PKD1: variants seen among roughly 807,000 people sequenced by gnomAD.
The protein encoded by PKD1 is polycystin-1.
PKD1 carries 81 observed loss-of-function variants against 361.7 expected under a neutral mutation model. The observed-to-expected ratio is 0.22, with a 90% CI of 0.19 to 0.27. PKD1 has a LOEUF of 0.27. PKD1 is among the 10% of genes least tolerant of loss of function. The probability of loss-of-function intolerance (pLI) is 1.00; values close to 1 mark genes in which losing one functional copy is unlikely to be tolerated. For synonymous variants in PKD1, 3,615 were observed against 2,818.3 expected (o/e 1.28, Z -8.95); for missense variants, 6,399 against 6,118.3 (o/e 1.05, Z -1.53).
chr16:2,127,931 G>GCACCCAAGCAGCTGCACCT (rs2092819874), intron 1 of PKD1, among the ~76,000 whole-genome samples: 2 of 75,198 alleles, frequency 2.7e-5, no homozygotes, highest in Admixed American at 1.5e-4. Context: ...GGGGCTGGCA[G>GCACCCAAGCAGCTGCACCT]GGAGGGAGAG....
In PKD1 at chr16:2,106,912, A is replaced by C. The variant is rs1364180766; in HGVS notation, c.7102T>G (p.Leu2368Val). 6.4e-7 allele frequency: 1 copy of C among 1,571,230 alleles called. No homozygotes were observed. Among genetic ancestry groups the C allele is most frequent in the Admixed American group, 1.7e-5 (1 of 59,940 alleles). Residue 2368 changes from leucine to valine, a missense_variant, in exon 17 of 46, where the codon TTG (leucine) becomes GTG (valine). Coordinates refer to ENST00000262304, the MANE Select transcript of PKD1 (RefSeq NM_001009944.3). The surrounding 1 kb of genome is among the most constrained non-coding windows in gnomAD (Gnocchi z 6.5). ...TGTGCCTTGCAGGACACACACTCCA[A>C]GGACACAATGGGCACCCGGCCACTC... is the stretch of plus-strand genomic sequence containing the variant. The part of the protein sequence containing the change: ...IRSGRVPIVS[L>V]ECVSCKAQAV...
intron 1 of PKD1, among the ~76,000 whole-genome samples, chr16:2,128,419 A>G (rs932974594): frequency 2.0e-5 from 3 of 150,944 alleles, no homozygotes; most frequent in Non-Finnish European, 2.9e-5. Context: ...GAGTGCAAGC[A>G]CATCGCAGCC....
In PKD1 at chr16:2,090,202, C is replaced by T. The variant is rs776530070; in HGVS notation, c.12445-8G>A. 16 of 1,605,730 alleles carry T rather than the reference C, an allele frequency of 1.0e-5. No homozygotes were observed. Among genetic ancestry groups the T allele is most frequent in the South Asian group, 3.3e-5 (3 of 90,544 alleles). On this transcript the variant is annotated splice_polypyrimidine_tract_variant and splice_region_variant and intron_variant, in intron 45 of 45. Coordinates refer to ENST00000262304, the MANE Select transcript of PKD1 (RefSeq NM_001009944.3). Reference sequence around the variant, plus strand: ...GCGGACTTTGTGGCGGAACTGGGGGCGGCACAGGGGCTCAGTCAGTCCGGC... The same window carrying T: ...GCGGACTTTGTGGCGGAACTGGGGGTGGCACAGGGGCTCAGTCAGTCCGGC...
chr16:2,112,913 G>C lies in PKD1; in HGVS notation c.3036C>G (p.Thr1012=), dbSNP rs199562751. The part of the protein sequence containing the change: ...VSNVTVNYNV[T]VERMNRMQGL... ...CCTGCATCCTGTTCATCCGCTCCAC[G>C]GTTACGTTGTAGTTCACGGTGACGT... Residue 1012 remains threonine, a synonymous_variant, in exon 13 of 46, where the codon ACC becomes ACG. Coordinates refer to ENST00000262304, the MANE Select transcript of PKD1 (RefSeq NM_001009944.3). 4 of 1,606,102 alleles carry C rather than the reference G, an allele frequency of 2.5e-6. No individual in the cohort carries two copies. Among genetic ancestry groups the C allele is most frequent in the Non-Finnish European group, 3.4e-6 (4 of 1,179,752 alleles).
chr16:2,115,252 G>C (rs2151815727), intron 10 of PKD1, 126 bp downstream of exon 10: 1 of 1,109,850 alleles, frequency 9.0e-7, no homozygotes, highest in East Asian at 2.6e-5. Context: ...GGAGGTCAGA[G>C]GTGGCAAGGA....
intron 10 of PKD1, chr16:2,115,170 G>C (rs181951507): frequency 1.4e-6 from 1 of 731,098 alleles, no homozygotes; most frequent in Non-Finnish European, 1.7e-6. Context: ...AGGAAGAGGA[G>C]GCACAGCTCG....
rs2092934510 is a variant in PKD1, at chr16:2,135,043, T to A, written c.215+432A>T. 3.2e-6 allele frequency: 3 copies of A among 952,294 alleles called. No individual in the cohort carries two copies. The South Asian group carries it at 1.5e-4, about 46-fold the overall frequency. The allele number at this position is 952,294 out of a possible 1,614,324, so 59.0% of individuals were successfully genotyped here. ...CTGGACCCACCTCATCGCCCCTTCC[T>A]AAGCATCAGCCCAATTCTTGCACAT... On this transcript the variant is annotated intron_variant, in intron 1 of 45. Coordinates refer to ENST00000262304, the MANE Select transcript of PKD1 (RefSeq NM_001009944.3).
chr16:2,107,242 G>C, intron 16 of PKD1: 1 of 489,242 alleles, frequency 2.0e-6, no homozygotes, highest in Non-Finnish European at 3.8e-6. Flanking sequence ...GGATGCGTGT[G>C]AGAAGAGACG....
chr16:2,109,563 G>A lies in PKD1; in HGVS notation c.5604C>T (p.Ala1868=), dbSNP rs556231668. 5 of 1,611,756 alleles carry A rather than the reference G, an allele frequency of 3.1e-6. No homozygotes were observed. The highest frequency in any genetic ancestry group is 3.4e-6 in the Non-Finnish European group (4 of 1,179,576). The change falls in exon 15 of 46, where the codon GCC becomes GCT. Residue 1868 remains alanine (A), a synonymous_variant. Coordinates refer to ENST00000262304, the MANE Select transcript of PKD1 (RefSeq NM_001009944.3). ...CTGAGACCCAGCTGACTGCGTTGGA[G>A]GCATTGAGCCGGATGGAGAAGGTGC... The part of the protein sequence containing the change: ...DAGTFSIRLN[A]SNAVSWVSAT...
chr16:2,091,375 G>A, intron 42 of PKD1, 48 bp downstream of exon 42: 5 of 1,043,116 alleles, frequency 4.8e-6, no homozygotes, highest in Non-Finnish European at 5.8e-6. Flanking sequence ...GCGAGGGGGC[G>A]GGACGCTGCC....
intron 43 of PKD1, 35 bp downstream of exon 43, chr16:2,090,849 G>T: frequency 1.2e-6 from 2 of 1,609,872 alleles, no homozygotes; most frequent in Non-Finnish European, 1.7e-6. Flanking sequence ...CCTGGGGTGT[G>T]CGCCCAGCCC....
Position 2,118,449 on chromosome 16 carries a change from G to A in PKD1, c.543C>T (p.Val181=), listed in dbSNP as rs1365608859. The part of the protein sequence containing the change: ...LLDSGCGEEY[V]ACLPDNSSGT... ...CTGAGCTGTTGTCAGGGAGGCAGGC[G>A]ACATACTCCTCACCTAGAAGAGGCA... is the stretch of plus-strand genomic sequence containing the variant. Residue 181 remains valine, a synonymous_variant, in exon 5 of 46, where the codon GTC becomes GTT. Transcript: ENST00000262304. The surrounding 1 kb of genome is among the most constrained non-coding windows in gnomAD (Gnocchi z 6.0). 42 of 1,200,338 alleles carry A rather than the reference G, an allele frequency of 3.5e-5. No homozygotes were observed. The African/African-American group carries it at 5.3e-4, about 15-fold the overall frequency. 74.4% of individuals were successfully genotyped at this position (1,200,338 alleles called of 1,614,324 possible).
chr16:2,127,801 C>G (rs1424369851), intron 1 of PKD1, among the ~76,000 whole-genome samples: 1 of 150,930 alleles, frequency 6.6e-6, no homozygotes, highest in Non-Finnish European at 1.5e-5. Flanking sequence ...GACGTGAACC[C>G]AGGTCTGACT....
intron 30 of PKD1, among the ~76,000 whole-genome samples, chr16:2,098,386 T>C (rs953305248): frequency 6.6e-6 from 1 of 151,290 alleles, no homozygotes; most frequent in African/African-American, 2.4e-5. Context: ...TTTTTTGTAT[T>C]TTTAGTAGAG....
intron 1 of PKD1, among the ~76,000 whole-genome samples, chr16:2,119,637 T>A (rs1479375914): frequency 6.6e-6 from 1 of 152,078 alleles, no homozygotes; most frequent in Non-Finnish European, 1.5e-5. Context: ...CATGGACCTG[T>A]CCACCCAGGG....
chr16:2,097,362 G>A lies in PKD1; in HGVS notation c.10362C>T (p.Ser3454=), dbSNP rs1182148778. Reference sequence around the variant, plus strand: ...TGGCAGGCGAGTAGGGGCTGGCCAGGGAGAAGCCGTCCTCCTCTGGGCCCA... The same window carrying A: ...TGGCAGGCGAGTAGGGGCTGGCCAGAGAGAAGCCGTCCTCCTCTGGGCCCA... ...HGLGPEEDGF[S]LASPYSPAKS... Residue 3454 remains serine, a synonymous_variant, in exon 33 of 46, where the codon TCC becomes TCT. Coordinates refer to ENST00000262304, the MANE Select transcript of PKD1 (RefSeq NM_001009944.3). The A allele has an allele frequency of 6.2e-7, 1 of 1,612,200 alleles. No individual in the cohort carries two copies. Among genetic ancestry groups the A allele is most frequent in the South Asian group, 1.1e-5 (1 of 91,080 alleles).
chr16:2,106,111 G>A lies in PKD1; in HGVS notation c.7683C>T (p.Ala2561=), dbSNP rs530703053. The A allele has an allele frequency of 2.6e-4, 424 of 1,604,778 alleles. 3 individuals are homozygous for A. In the Middle Eastern group the frequency reaches 2.7e-3, roughly 10 times the overall value. ...LAVVVQDQLG[A]AVVALNRSLA... Reference sequence around the variant, plus strand: ...CTCACCTGTTGAGGGCGACCACAGCGGCTCCCAGCTGGTCCTGCACCACCA... The same window carrying A: ...CTCACCTGTTGAGGGCGACCACAGCAGCTCCCAGCTGGTCCTGCACCACCA... Residue 2561 remains alanine (A), a synonymous_variant, in exon 19 of 46, where the codon GCC becomes GCT. Transcript: ENST00000262304. The surrounding 1 kb of genome is among the most constrained non-coding windows in gnomAD (Gnocchi z 6.5).
Position 2,107,962 on chromosome 16 carries a change from C to G in PKD1, c.6986G>C (p.Arg2329Pro). ...GGTGTACTCCACGCCAGCCGCCAGC[C>G]GCTCCCGTGGAATGGTGACCGTGCT... ...GSSTVTIPRE[R>P]LAAGVEYTFS... is the part of the protein sequence containing the mutation. The change falls in exon 16 of 46, where the codon CGG becomes CCG. Residue 2329 changes from arginine (R) to proline (P), a missense_variant. Physicochemically the swap from Arg to Pro is moderately radical, Grantham distance 103. Coordinates refer to ENST00000262304, the MANE Select transcript of PKD1 (RefSeq NM_001009944.3). 1 of 1,548,278 alleles carries G rather than the reference C, an allele frequency of 6.5e-7. No homozygotes were observed. Among genetic ancestry groups the G allele is most frequent in the Non-Finnish European group, 8.7e-7 (1 of 1,147,142 alleles).
At position 2,089,986 on chromosome 16, in the gene PKD1, A is replaced by G. The variant is rs2091397475; in HGVS notation, c.12653T>C (p.Val4218Ala). Residue 4218 changes from valine to alanine, a missense_variant, in exon 46 of 46, where the codon GTG (valine) becomes GCG (alanine). Coordinates refer to ENST00000262304, the MANE Select transcript of PKD1 (RefSeq NM_001009944.3). Reference protein sequence around the residue: ...CEPEPSRLQAVFEALLTQFDR... With the variant: ...CEPEPSRLQAAFEALLTQFDR... ...AAACTGGGTGAGCAGGGCCTCGAACACGGCTTGGAGGCGGGAGGGCTCAGG... is the reference window on the plus strand; with the variant it reads ...AAACTGGGTGAGCAGGGCCTCGAACGCGGCTTGGAGGCGGGAGGGCTCAGG... The G allele has an allele frequency of 6.2e-7, 1 of 1,611,632 alleles. No homozygotes were observed. Among genetic ancestry groups the G allele is most frequent in the Non-Finnish European group, 8.5e-7 (1 of 1,179,632 alleles).
Sources: gnomAD v4.1 joint callset for allele counts (sites outside exome capture counted in the v4.1 genomes callset) on GRCh38, gnomAD v4.1.1 for gene constraint, Gnocchi (gnomAD v3.1) non-coding constraint, MANE v1.5 for transcripts, NCBI Gene and HGNC (gene_info 2026-07-23, HGNC 2026-07-21) for gene names.